The following PRH1 variants were observed in gnomAD, a reference collection of about 807,000 sequenced individuals.
PRH1 encodes the protein salivary acidic proline-rich phosphoprotein 1/2.
Under a neutral mutation model 7.9 loss-of-function variants are expected in PRH1, and 7 were observed. The ratio of observed to expected loss-of-function variants is 0.89; its 90% CI spans 0.50 to 1.67. The LOEUF (loss-of-function observed/expected upper bound fraction) is 1.67, where lower values mean the gene tolerates loss of function less well. PRH1 is among the 40% of genes most tolerant of loss of function. The probability of loss-of-function intolerance (pLI) is 0.00; values close to 1 mark genes in which losing one functional copy is unlikely to be tolerated. For synonymous variants in PRH1, 45 were observed against 80.8 expected, an observed-to-expected ratio of 0.56 and a Z score of 2.38; for missense variants, 109 against 223.6, an observed-to-expected ratio of 0.49 and a Z score of 3.27.
At chr12:11,155,334 G>T (rs763390652) in intron 1 of PRH1, among the ~76,000 whole-genome samples, 4 of 152,170 alleles carry the variant, frequency 2.6e-5, no homozygotes, top group African/African-American at 4.8e-5. Context: ...GTGCTTAGGT[G>T]TAGCTTTTCT....
chr12:10,884,235 T>C lies in PRH1; in HGVS notation c.-18A>G. The stretch of plus-strand genomic sequence containing the variant: ...AGAAGCATCTTGCAGGAGGCTCTGG[T>C]GTCACTCCCAACTTTGTGCTGGGAG... On this transcript the variant is annotated 5_prime_UTR_variant, in exon 1 of 4. Coordinates refer to ENST00000543626, the MANE Select transcript of PRH1 (RefSeq NM_001393989.1). The C allele has an allele frequency of 6.2e-7, 1 of 1,614,172 alleles. No homozygotes were observed. Among genetic ancestry groups the C allele is most frequent in the Non-Finnish European group, 8.5e-7 (1 of 1,179,998 alleles).
intron 1 of PRH1, chr12:10,986,535 T>C (rs1380991643): frequency 6.2e-7 from 1 of 1,614,100 alleles, no homozygotes; most frequent in Non-Finnish European, 8.5e-7. Context: ...ATTGGCAATC[T>C]TGAGCAAATA....
intron 1 of PRH1, among the ~76,000 whole-genome samples, chr12:11,157,799 A>G (rs1178309939): frequency 6.6e-6 from 1 of 152,230 alleles, no homozygotes; most frequent in Non-Finnish European, 1.5e-5. Flanking sequence ...AAATAGTTAA[A>G]TGAAATATAT....
intron 1 of PRH1, among the ~76,000 whole-genome samples, chr12:11,065,401 C>A (rs117740964): frequency 0.017 from 2,315 of 135,280 alleles, 19 homozygotes; most frequent in South Asian, 0.043. Flanking sequence ...GGCCCATTTT[C>A]TCTCTTCTAA....
At chr12:10,923,020 G>T (rs1215843415) in intron 2 of PRH1, among the ~76,000 whole-genome samples, 7 of 148,886 alleles carry the variant, frequency 4.7e-5, no homozygotes, top group South Asian at 2.2e-4. Context: ...AGTAGAAACG[G>T]GGTTTCACCT....
chr12:10,943,758 G>C (rs1242031316), intron 2 of PRH1, among the ~76,000 whole-genome samples: 1 of 152,102 alleles, frequency 6.6e-6, no homozygotes, highest in African/African-American at 2.4e-5. Context: ...ATGGTACAGG[G>C]AAGAATTTCA....
intron 1 of PRH1, among the ~76,000 whole-genome samples, chr12:10,987,580 T>C (rs767970760): frequency 6.6e-6 from 1 of 151,450 alleles, no homozygotes; most frequent in African/African-American, 2.4e-5. Context: ...GTGACACCCC[T>C]AAGAGATGGA....
chr12:10,959,535 G>GA (rs1229565728), intron 2 of PRH1, among the ~76,000 whole-genome samples: 2 of 151,864 alleles, frequency 1.3e-5, no homozygotes, highest in African/African-American at 4.8e-5. Context: ...TGATCATAGA[G>GA]AAAAAAACTT....
At chr12:10,976,231 C>G (rs1939090947) in intron 1 of PRH1, among the ~76,000 whole-genome samples, 1 of 152,078 alleles carries the variant, frequency 6.6e-6, no homozygotes, top group Admixed American at 6.6e-5. Flanking sequence ...GTTCTTGGAC[C>G]ACAGCCCTAT....
intron 2 of PRH1, among the ~76,000 whole-genome samples, chr12:10,953,581 T>C (rs1344773350): frequency 1.3e-5 from 2 of 150,628 alleles, no homozygotes; most frequent in African/African-American, 5.0e-5. Flanking sequence ...TGAAGAAGAA[T>C]GCACAAAACC....
At chr12:10,936,690 G>A (rs990918475) in intron 2 of PRH1, among the ~76,000 whole-genome samples, 1 of 152,092 alleles carries the variant, frequency 6.6e-6, no homozygotes, top group Admixed American at 6.6e-5. Context: ...ACATCATTGT[G>A]TTTTCTCTGT....
intron 2 of PRH1, among the ~76,000 whole-genome samples, chr12:10,917,646 T>C (rs577394424): frequency 2.8e-4 from 42 of 152,338 alleles, no homozygotes; most frequent in African/African-American, 1.0e-3. Flanking sequence ...TTTTCACTTG[T>C]TGCTTCACCC....
At chr12:10,908,899 G>C (rs780202524) in intron 2 of PRH1, 2 of 1,612,962 alleles carry the variant, frequency 1.2e-6, no homozygotes, top group Non-Finnish European at 1.7e-6. Flanking sequence ...GTTCCTAGCA[G>C]TATCATCAGA....
At chr12:11,160,243 T>C (rs1306334330) in intron 1 of PRH1, among the ~76,000 whole-genome samples, 1 of 152,196 alleles carries the variant, frequency 6.6e-6, no homozygotes, top group Non-Finnish European at 1.5e-5. Flanking sequence ...TGATGCAATA[T>C]GATTTATAGA....
At chr12:10,887,998 T>C (rs1374674881), upstream of PRH1, among the ~76,000 whole-genome samples, 2 of 152,342 alleles carry the variant, frequency 1.3e-5, no homozygotes, top group East Asian at 1.9e-4. Context: ...GTATGTATAA[T>C]AGGTCTTACT....
chr12:11,077,628 A>T, intron 1 of PRH1: 1 of 1,294,464 alleles, frequency 7.7e-7, no homozygotes, highest in Non-Finnish European at 1.1e-6. Context: ...TCTTCTTGAG[A>T]TGTTTATGCA....
rs549545432 is a variant in PRH1 at position 10,954,504 on chromosome 12, G to C, written c.-59+19151C>G. 4.7e-5 allele frequency among the ~76,000 whole-genome samples: 7 copies of C among 150,214 alleles called. No homozygotes were observed. In the East Asian group the frequency reaches 1.3e-3, roughly 29 times the overall value. ...TTGTTTTGAGTCAGGGTCTCACTCTGTTGCCCAGGCCATAGTGCAGTGGCG... is the reference window on the plus strand; with the variant it reads ...TTGTTTTGAGTCAGGGTCTCACTCTCTTGCCCAGGCCATAGTGCAGTGGCG... On this transcript the variant is annotated intron_variant, in intron 2 of 3. Coordinates refer to the PRH1 transcript ENST00000539853.
intron 1 of PRH1, among the ~76,000 whole-genome samples, chr12:10,998,214 CCT>C (rs1940400055): frequency 6.6e-6 from 1 of 152,094 alleles, no homozygotes; most frequent in Non-Finnish European, 1.5e-5. Flanking sequence ...AAAGACATAT[CCT>C]CTTTCATTGC....
intron 1 of PRH1, among the ~76,000 whole-genome samples, chr12:11,046,736 G>A (rs1219174356): frequency 1.3e-5 from 2 of 151,918 alleles, no homozygotes; most frequent in Non-Finnish European, 2.9e-5. Flanking sequence ...GGTTTTATTT[G>A]ATCTTTAGTG....
Sources: allele counts gnomAD v4.1 joint callset (sites outside exome capture counted in the v4.1 genomes callset), GRCh38; gene constraint gnomAD v4.1.1; transcripts MANE v1.5; gene names NCBI Gene and HGNC (gene_info 2026-07-23, HGNC 2026-07-21).